WDPCP: variants seen among roughly 807,000 people sequenced by gnomAD.
The protein encoded by WDPCP is WD repeat-containing and planar cell polarity effector protein fritz homolog.
WDPCP carries 71 observed loss-of-function variants against 93.1 expected under a neutral mutation model. That is an observed-to-expected ratio of 0.76 (90% CI 0.63 to 0.93). The LOEUF (loss-of-function observed/expected upper bound fraction) is 0.93. Among genes scored for constraint, WDPCP ranks in the 40% least tolerant of loss-of-function variants. The pLI is 0.00. For synonymous variants in WDPCP, 315 were observed against 315.0 expected (o/e 1.00, Z 0.00); for missense variants, 844 against 887.4 (o/e 0.95, Z 0.62).
chr2:63,399,578 T>A (rs1693987494), intron 10 of WDPCP, among the ~76,000 whole-genome samples: 1 of 108,576 alleles, frequency 9.2e-6, no homozygotes, highest in Non-Finnish European at 1.8e-5. Context: ...AAGGAGAGAT[T>A]GAGAGAGAGA....
chr2:63,702,168 G>C (rs1452968922), intron 2 of WDPCP, among the ~76,000 whole-genome samples: 3 of 152,066 alleles, frequency 2.0e-5, no homozygotes, highest in Non-Finnish European at 2.9e-5. Flanking sequence ...TGGGATTATA[G>C]ACGCATGCCA....
At chr2:63,560,820 T>C (rs1295136094) in intron 1 of WDPCP, among the ~76,000 whole-genome samples, 1 of 152,050 alleles carries the variant, frequency 6.6e-6, no homozygotes, top group Admixed American at 6.5e-5. Context: ...CATCATACAC[T>C]GGGGCCTGTT....
chr2:63,482,309 C>G (rs1390600354), intron 6 of WDPCP, among the ~76,000 whole-genome samples: 1 of 151,942 alleles, frequency 6.6e-6, no homozygotes, highest in Non-Finnish European at 1.5e-5. Flanking sequence ...GACTGAGCGT[C>G]CAAACATGTT....
chr2:63,451,861 A>G (rs1157620108), intron 6 of WDPCP, among the ~76,000 whole-genome samples: 1 of 152,254 alleles, frequency 6.6e-6, no homozygotes, highest in Non-Finnish European at 1.5e-5. Context: ...TTATCTCAAT[A>G]GATGCAGAAA....
chr2:63,580,255 CA>C (rs1488916314), intron 1 of WDPCP, among the ~76,000 whole-genome samples: 11 of 152,248 alleles, frequency 7.2e-5, no homozygotes, highest in African/African-American at 2.4e-4. Flanking sequence ...AATCATTTTA[CA>C]ACCATAGTAA....
chr2:63,657,599 G>A (rs1473749601), intron 2 of WDPCP, among the ~76,000 whole-genome samples: 9 of 152,128 alleles, frequency 5.9e-5, no homozygotes, highest in Non-Finnish European at 2.9e-5. Context: ...CAATCATCTA[G>A]GCAAGAAATG....
At chr2:63,799,366 A>G (rs1670661680) in intron 2 of WDPCP, among the ~76,000 whole-genome samples, 1 of 152,194 alleles carries the variant, frequency 6.6e-6, no homozygotes, top group South Asian at 2.1e-4. Flanking sequence ...AACTATTATC[A>G]ACTTATAAAT....
At chr2:63,784,649 TAAAG>T (rs1326687988) in intron 2 of WDPCP, among the ~76,000 whole-genome samples, 1 of 151,792 alleles carries the variant, frequency 6.6e-6, no homozygotes, top group Non-Finnish European at 1.5e-5. Context: ...CTTGCTGTAA[TAAAG>T]AAAGACAGTG....
intron 2 of WDPCP, among the ~76,000 whole-genome samples, chr2:63,780,613 G>C (rs1558908952): frequency 6.6e-6 from 1 of 152,180 alleles, no homozygotes; most frequent in Non-Finnish European, 1.5e-5. Flanking sequence ...TGAAGTGTAA[G>C]AAATGAAAGG....
intron 2 of WDPCP, among the ~76,000 whole-genome samples, chr2:63,715,942 G>C (rs11688759): frequency 2.6e-5 from 4 of 152,202 alleles, no homozygotes; most frequent in Non-Finnish European, 4.4e-5. Flanking sequence ...ACACGAGGTC[G>C]AGGTTGGTGA....
intron 2 of WDPCP, among the ~76,000 whole-genome samples, chr2:63,759,976 C>T (rs1041667962): frequency 6.6e-5 from 10 of 152,172 alleles, no homozygotes; most frequent in African/African-American, 2.2e-4. Context: ...ATAGCTGTCA[C>T]TGGGTGGGGG....
At chr2:63,703,291 C>T (rs201842203) in intron 2 of WDPCP, among the ~76,000 whole-genome samples, 1 of 152,164 alleles carries the variant, frequency 6.6e-6, no homozygotes, top group Non-Finnish European at 1.5e-5. Context: ...CCTGAGGAAT[C>T]GCCACACCAA....
intron 10 of WDPCP, among the ~76,000 whole-genome samples, chr2:63,386,384 A>G (rs1575294371): frequency 6.6e-6 from 1 of 152,108 alleles, no homozygotes; most frequent in African/African-American, 2.4e-5. Context: ...AAAAAATCCA[A>G]TTAAATTTGG....
chr2:63,515,245 ATTT>A (rs1490814486), intron 1 of WDPCP, among the ~76,000 whole-genome samples: 5 of 152,158 alleles, frequency 3.3e-5, no homozygotes, highest in Non-Finnish European at 5.9e-5. Flanking sequence ...TGTGTGGTAG[ATTT>A]GGCACAAGCA....
chr2:63,281,619 A>G (rs1432215029), intron 13 of WDPCP, among the ~76,000 whole-genome samples: 1 of 152,228 alleles, frequency 6.6e-6, no homozygotes, highest in Non-Finnish European at 1.5e-5. Flanking sequence ...TGTGATATAT[A>G]TATACTATGG....
intron 12 of WDPCP, among the ~76,000 whole-genome samples, chr2:63,317,692 T>C (rs1686759643): frequency 6.6e-6 from 1 of 152,166 alleles, no homozygotes; most frequent in Admixed American, 6.6e-5. Flanking sequence ...TAAATGGTGC[T>C]GGAGTAACTG....
chr2:63,447,443 ACTT>A (rs1315262566), intron 6 of WDPCP, among the ~76,000 whole-genome samples: 4 of 152,156 alleles, frequency 2.6e-5, no homozygotes, highest in Non-Finnish European at 5.9e-5. Flanking sequence ...CCACAAATAT[ACTT>A]CTTATTTTAT....
At chr2:63,753,422 C>G (rs940429797) in intron 2 of WDPCP, among the ~76,000 whole-genome samples, 3 of 152,070 alleles carry the variant, frequency 2.0e-5, no homozygotes, top group African/African-American at 7.2e-5. Flanking sequence ...GTGCAAGACT[C>G]CGTCTCGAAC....
upstream of WDPCP, chr2:63,588,498 G>A (rs376940318): frequency 3.2e-6 from 2 of 623,366 alleles, no homozygotes; most frequent in Middle Eastern, 8.2e-4. Flanking sequence ...CCCCTCCAGA[G>A]TGTCAATCGT....
Sources: allele counts gnomAD v4.1 joint callset (sites outside exome capture counted in the v4.1 genomes callset), GRCh38; gene constraint gnomAD v4.1.1; transcripts MANE v1.5; gene names NCBI Gene and HGNC (gene_info 2026-07-23, HGNC 2026-07-21).